The following MYOM2 variants were observed in gnomAD, a reference collection of about 807,000 sequenced individuals.
MYOM2 encodes myomesin 2, also known as myomesin-2.
In MYOM2, 254 loss-of-function variants were observed where a neutral mutation model predicts 187.6. That is an observed-to-expected ratio of 1.35 (90% CI 1.22 to 1.50). The LOEUF (loss-of-function observed/expected upper bound fraction) is 1.50, where lower values mean the gene tolerates loss of function less well. Among genes scored for constraint, MYOM2 ranks in the 40% most tolerant of loss-of-function variants. MYOM2 has a pLI of 0.00. For synonymous variants in MYOM2, 981 were observed against 753.8 expected, an observed-to-expected ratio of 1.30 and a Z score of -4.94; for missense variants, 2,796 against 1,924.0, an observed-to-expected ratio of 1.45 and a Z score of -8.48.
intron 14 of MYOM2, among the ~76,000 whole-genome samples, chr8:2,086,513 T>TGTGTGGCCACACACTGTCGTGATCTCC (rs1796078518): frequency 1.7e-5 from 2 of 115,480 alleles, no homozygotes; most frequent in East Asian, 6.2e-4. Flanking sequence ...TCGTGATCTC[T>TGTGTGGCCACACACTGTCGTGATCTCC]GCGTGGCCCC....
At position 2,092,307 on chromosome 8, in the gene MYOM2, T is replaced by C. The variant is rs779700863; in HGVS notation, c.1829-39T>C. ...ATCTCTGCTGTAGCTTCCAAAGCTC[T>C]GATGCCATTTCACCACTCCTTTTGT... On this transcript the variant is annotated intron_variant, in intron 15 of 36. Coordinates refer to ENST00000262113, the MANE Select transcript of MYOM2 (RefSeq NM_003970.4). 11 of 1,602,710 alleles carry C rather than the reference T, an allele frequency of 6.9e-6. No individual in the cohort carries two copies. In the African/African-American group the frequency reaches 8.0e-5, roughly 12 times the overall value.
Position 2,075,015 on chromosome 8 carries a change from G to C in MYOM2, c.1121-1126G>C, listed in dbSNP as rs966529569. 1.7e-4 allele frequency among the ~76,000 whole-genome samples: 26 copies of C among 152,382 alleles called. No homozygotes were observed. In the East Asian group the frequency reaches 4.8e-3, roughly 28 times the overall value. On this transcript the variant is annotated intron_variant, in intron 10 of 36. Coordinates refer to ENST00000262113, the MANE Select transcript of MYOM2 (RefSeq NM_003970.4). ...CCCACCTGCCTCCAGCTCCAGTGGG[G>C]TGCAGGACGCATCCATACATCTTCA...
At chr8:2,114,202 C>T (rs1023680095) in intron 25 of MYOM2, among the ~76,000 whole-genome samples, 2 of 152,190 alleles carry the variant, frequency 1.3e-5, no homozygotes, top group African/African-American at 2.4e-5. Context: ...GGGGCATGGC[C>T]CTCAGGGAAC....
In MYOM2 at chr8:2,096,363, G is replaced by A. The variant is rs142047582; in HGVS notation, c.2242G>A (p.Asp748Asn). Residue 748 changes from aspartate (D) to asparagine (N), a missense_variant, in exon 18 of 37, where the codon GAC becomes AAC. Asp to Asn is a conservative substitution (Grantham distance 23). Transcript: ENST00000262113. ...CTCGCCCATCCTGGGCTACTACCTG[G>A]ACAAGCGTGAAGTTCACCATAAAAA... is the stretch of plus-strand genomic sequence containing the variant. ...GGSPILGYYL[D>N]KREVHHKNWH... The A allele has an allele frequency of 8.1e-4, 1,310 of 1,614,082 alleles. 7 individuals carry two copies. The highest frequency in any genetic ancestry group is 9.4e-4 in the Non-Finnish European group (1,106 of 1,180,042).
At chr8:2,113,221 A>G (rs1472925298) in intron 25 of MYOM2, among the ~76,000 whole-genome samples, 1 of 152,232 alleles carries the variant, frequency 6.6e-6, no homozygotes, top group Non-Finnish European at 1.5e-5. Flanking sequence ...CCTCGACGCC[A>G]TCGTGCCTTG....
rs532534467 is a variant in MYOM2, at chr8:2,092,286, C to T, written c.1829-60C>T. Reference sequence around the variant, plus strand: ...CCCTGTGAAAAGGGCCGGAAGATCTCTGCTGTAGCTTCCAAAGCTCTGATG... The same window carrying T: ...CCCTGTGAAAAGGGCCGGAAGATCTTTGCTGTAGCTTCCAAAGCTCTGATG... On this transcript the variant is annotated intron_variant, in intron 15 of 36. Coordinates refer to ENST00000262113, the MANE Select transcript of MYOM2 (RefSeq NM_003970.4). 24 of 1,568,236 alleles carry T rather than the reference C, an allele frequency of 1.5e-5. No individual in the cohort carries two copies. The East Asian group carries it at 4.7e-4, about 31-fold the overall frequency.
At chr8:2,059,011 T>C in intron 5 of MYOM2, 142 bp from the exon 6 acceptor site, 2 of 658,868 alleles carry the variant, frequency 3.0e-6, no homozygotes, top group Non-Finnish European at 5.3e-6. Flanking sequence ...GGCCTCACCG[T>C]CAGGGCTCTG....
chr8:2,127,952 G>A (rs1425202048), intron 31 of MYOM2: 1 of 152,282 alleles, frequency 6.6e-6, no homozygotes, highest in Non-Finnish European at 1.5e-5. Context: ...CATCATAACA[G>A]TTTCTATTTT....
rs1563055167 is a variant in MYOM2, at chr8:2,100,133, C to CTTCCTTCT, written c.2441-736_2441-735insTTTCCTTC. Among the ~76,000 whole-genome samples, 5 of 89,286 alleles carry CTTCCTTCT rather than the reference C, an allele frequency of 5.6e-5. 1 individual carries two copies. The highest frequency in any genetic ancestry group is 1.5e-4 in the African/African-American group (3 of 20,162). 58.6% of individuals were successfully genotyped at this position (89,286 alleles called of 152,430 possible). A position where few individuals can be genotyped will look rare whatever the true frequency, so the allele number is the denominator to read the frequency against. ...CTTTCTTTCCTTCCTTCCTTCTTTC[C>CTTCCTTCT]TTCCTTCCTTCCTTCCTTCCTTCCT... On this transcript the variant is annotated intron_variant, in intron 19 of 36. Transcript: ENST00000262113.
chr8:2,123,319 C>T lies in MYOM2; in HGVS notation c.3521C>T (p.Thr1174Ile). The change falls in exon 29 of 37, where the codon ACA becomes ATA. Residue 1174 changes from threonine to isoleucine, a missense_variant. By Grantham distance (89) the Thr-to-Ile change is moderately conservative. Coordinates refer to ENST00000262113, the MANE Select transcript of MYOM2 (RefSeq NM_003970.4). ...GATGATGTTCTGTATGAAACGGAGA[C>T]ACTGCCTAACCTGGAGAGGGGAATC... is the stretch of plus-strand genomic sequence containing the variant. ...LKDDVLYETE[T>I]LPNLERGICE... 1 of 1,614,056 alleles carries T rather than the reference C, an allele frequency of 6.2e-7. No individual in the cohort carries two copies. Among genetic ancestry groups the T allele is most frequent in the Non-Finnish European group, 8.5e-7 (1 of 1,179,996 alleles).
chr8:2,139,994 G>A (rs900889356), intron 32 of MYOM2, among the ~76,000 whole-genome samples: 11 of 151,880 alleles, frequency 7.2e-5, no homozygotes, highest in African/African-American at 2.4e-4. Context: ...TCACATCATC[G>A]TGCAGGCACC....
rs1256217930 is a variant in MYOM2, at chr8:2,078,714, T to G, written c.1263-20T>G. Reference sequence around the variant, plus strand: ...GCCACATTTGCTATTCTCTGTTGTTTTTCTTTTTTTAACTTGAAGATGTGA... The same window carrying G: ...GCCACATTTGCTATTCTCTGTTGTTGTTCTTTTTTTAACTTGAAGATGTGA... On this transcript the variant is annotated intron_variant, in intron 11 of 36. Coordinates refer to ENST00000262113, the MANE Select transcript of MYOM2 (RefSeq NM_003970.4). The G allele has an allele frequency of 6.2e-7, 1 of 1,613,448 alleles. No homozygotes were observed. Among genetic ancestry groups the G allele is most frequent in the East Asian group, 2.2e-5 (1 of 44,876 alleles).
At chr8:2,049,106 T>A (rs1035322315) in intron 1 of MYOM2, among the ~76,000 whole-genome samples, 1 of 152,210 alleles carries the variant, frequency 6.6e-6, no homozygotes, top group East Asian at 1.9e-4. Flanking sequence ...TATTGTGTTC[T>A]ATGAGGTGCA....
chr8:2,115,745 TCTC>T (rs1422908434), intron 25 of MYOM2, among the ~76,000 whole-genome samples: 1 of 152,204 alleles, frequency 6.6e-6, no homozygotes, highest in East Asian at 1.9e-4. Context: ...GACTCTCAGA[TCTC>T]CTCACACAGC....
chr8:2,130,051 C>A (rs1461784746), intron 32 of MYOM2, among the ~76,000 whole-genome samples: 1 of 152,090 alleles, frequency 6.6e-6, no homozygotes. Context: ...GTCAAGGCAC[C>A]CAGATGTTAA....
intron 28 of MYOM2, among the ~76,000 whole-genome samples, chr8:2,122,432 TC>T (rs1797488609): frequency 6.6e-6 from 1 of 152,214 alleles, no homozygotes; most frequent in African/African-American, 2.4e-5. Flanking sequence ...AGAGATTCAG[TC>T]CCAGTGCTGT....
rs578245249 is a variant in MYOM2, at chr8:2,075,438, C to G, written c.1121-703C>G. ...TTGAATGTGAGAGGAAACCATTTGG[C>G]TCAATGTCAGGAAATCCTCAGCTTT... is the stretch of plus-strand genomic sequence containing the variant. On this transcript the variant is annotated intron_variant, in intron 10 of 36. Transcript: ENST00000262113. 2.6e-5 allele frequency among the ~76,000 whole-genome samples: 4 copies of G among 152,274 alleles called. No homozygotes were observed. The East Asian group carries it at 7.8e-4, about 30-fold the overall frequency.
At chr8:2,100,773 G>A in intron 19 of MYOM2, 103 bp from the exon 20 acceptor site, 5 of 1,100,132 alleles carry the variant, frequency 4.5e-6, no homozygotes, top group Non-Finnish European at 6.7e-6. Flanking sequence ...TGGTCCTGGT[G>A]GGGGGCTTCC....
intron 25 of MYOM2, among the ~76,000 whole-genome samples, chr8:2,111,767 C>T (rs1313458343): frequency 6.6e-6 from 1 of 152,122 alleles, no homozygotes; most frequent in Non-Finnish European, 1.5e-5. Flanking sequence ...AATCTCCCTC[C>T]CTCAAAAACA....
Sources: allele counts gnomAD v4.1 joint callset (sites outside exome capture counted in the v4.1 genomes callset), GRCh38; gene constraint gnomAD v4.1.1; transcripts MANE v1.5; gene names NCBI Gene and HGNC (gene_info 2026-07-23, HGNC 2026-07-21).